Variants in TMPRSS2 observed in about 807,000 individuals in gnomAD.
TMPRSS2 encodes transmembrane protease serine 2.
In TMPRSS2, 59 loss-of-function variants were observed where a neutral mutation model predicts 67.4. The observed-to-expected ratio is 0.88, with a 90% CI of 0.71 to 1.09. TMPRSS2 has a LOEUF of 1.09. Among genes scored for constraint, TMPRSS2 ranks in the 50% least tolerant of loss-of-function variants. The probability of loss-of-function intolerance (pLI) is 0.00; values close to 1 mark genes in which losing one functional copy is unlikely to be tolerated. For synonymous variants in TMPRSS2, 257 were observed against 257.0 expected (o/e 1.00, Z 0.00); for missense variants, 668 against 642.7 (o/e 1.04, Z -0.43).
intron 6 of TMPRSS2, among the ~76,000 whole-genome samples, chr21:41,480,105 T>C (rs1038443265): frequency 1.3e-5 from 2 of 152,186 alleles, no homozygotes; most frequent in African/African-American, 4.8e-5. Context: ...CCTCGCCAGC[T>C]GTTCTGGTCC....
At chr21:41,472,075 C>G in intron 9 of TMPRSS2, 94 bp from the exon 10 acceptor site, 1 of 1,300,728 alleles carries the variant, frequency 7.7e-7, no homozygotes, top group Non-Finnish European at 1.0e-6. Context: ...GCAAGACACC[C>G]AGAGGCAGGA....
rs527658940 is a variant in TMPRSS2 at position 41,507,559 on chromosome 21, C to G, written c.-57+522G>C. 2.6e-4 allele frequency among the ~76,000 whole-genome samples: 40 copies of G among 152,336 alleles called. 1 individual carries two copies. Among genetic ancestry groups the G allele is most frequent in the Admixed American group, 2.2e-3 (34 of 15,308 alleles). On this transcript the variant is annotated intron_variant, in intron 1 of 13. Coordinates refer to ENST00000332149, the MANE Select transcript of TMPRSS2 (RefSeq NM_005656.4). ...TCGTTCCCGGCATCTCAGCGAGTTT[C>G]CAGTTTCTCCCTACCTCAGTAGGGA...
chr21:41,478,306 T>C lies in TMPRSS2; in HGVS notation c.683+866A>G, dbSNP rs2146448024. Reference sequence around the variant, plus strand: ...CCCAGGCTCCCACTCAGAGGAAAGGTGGCGCGGGGTGATTAGTTCATCCTC... The same window carrying C: ...CCCAGGCTCCCACTCAGAGGAAAGGCGGCGCGGGGTGATTAGTTCATCCTC... On this transcript the variant is annotated intron_variant, in intron 7 of 13. Coordinates refer to ENST00000332149, the MANE Select transcript of TMPRSS2 (RefSeq NM_005656.4). This position sits in a 1 kb window ranked among gnomAD's most constrained non-coding sequence, Gnocchi z 4.0. Among the ~76,000 whole-genome samples, 1 of 151,992 alleles carries C rather than the reference T, an allele frequency of 6.6e-6. No individual in the cohort carries two copies. The highest frequency in any genetic ancestry group is 2.1e-4 in the South Asian group (1 of 4,786).
chr21:41,484,617 T>C (rs2838039), intron 5 of TMPRSS2, among the ~76,000 whole-genome samples: 47,168 of 152,084 alleles, frequency 0.31, 8,115 homozygotes, highest in African/African-American at 0.42. Flanking sequence ...TTTCCTTTTA[T>C]ATGAATAATC....
chr21:41,488,883 C>T (rs2091316278), intron 4 of TMPRSS2, among the ~76,000 whole-genome samples: 1 of 152,198 alleles, frequency 6.6e-6, no homozygotes, highest in Admixed American at 6.5e-5. Flanking sequence ...TCAGGTGGTC[C>T]ACCTGCCTTG....
chr21:41,476,800 A>C (rs2091217371), intron 7 of TMPRSS2, among the ~76,000 whole-genome samples, 180 bp from the exon 8 acceptor site: 1 of 152,220 alleles, frequency 6.6e-6, no homozygotes, highest in African/African-American at 2.4e-5. Flanking sequence ...GGCAAAGACC[A>C]GACACTGAGC....
At chr21:41,499,423 T>C (rs1486290189) in intron 1 of TMPRSS2, among the ~76,000 whole-genome samples, 1 of 152,180 alleles carries the variant, frequency 6.6e-6, no homozygotes, top group Non-Finnish European at 1.5e-5. Context: ...AATCCAGTTT[T>C]AGCAAAAAAC....
At chr21:41,494,752 A>G (rs1177937293) in intron 2 of TMPRSS2, 174 bp from the exon 3 acceptor site, 1 of 750,326 alleles carries the variant, frequency 1.3e-6, no homozygotes, top group South Asian at 1.6e-5. Context: ...GTTAGAGATT[A>G]ATAAGAAAGT....
At chr21:41,494,718 C>T (rs1463465486) in intron 2 of TMPRSS2, 140 bp from the exon 3 acceptor site, 1 of 837,268 alleles carries the variant, frequency 1.2e-6, no homozygotes, top group East Asian at 2.6e-5. Context: ...GTGAAATATG[C>T]ATCCTGTCTA....
At chr21:41,502,720 T>C (rs1174257350) in intron 1 of TMPRSS2, among the ~76,000 whole-genome samples, 1 of 152,194 alleles carries the variant, frequency 6.6e-6, no homozygotes, top group African/African-American at 2.4e-5. Flanking sequence ...GTAAATTGCA[T>C]ACACAATGAT....
Position 41,490,950 on chromosome 21 carries a change from G to A in TMPRSS2, c.239-1357C>T, listed in dbSNP as rs948123178. Among the ~76,000 whole-genome samples the A allele has an allele frequency of 8.5e-5, 13 of 152,262 alleles. No homozygotes were observed. The East Asian group carries it at 1.2e-3, about 14-fold the overall frequency. ...CCCACCTGGCCACACCTGTGCCTCC[G>A]GAGGTCTGCCAGGGCGATAAGCTCA... On this transcript the variant is annotated intron_variant, in intron 3 of 13. Coordinates refer to ENST00000332149, the MANE Select transcript of TMPRSS2 (RefSeq NM_005656.4).
At chr21:41,492,883 AG>A (rs769592637) in intron 3 of TMPRSS2, among the ~76,000 whole-genome samples, 12 of 152,284 alleles carry the variant, frequency 7.9e-5, no homozygotes, top group Admixed American at 4.6e-4. Flanking sequence ...GCCATTTCTT[AG>A]GGGGGTAGCT....
intron 3 of TMPRSS2, 24 bp from the exon 4 acceptor site, chr21:41,489,617 C>T (rs1409433327): frequency 4.5e-6 from 7 of 1,560,234 alleles, no homozygotes; most frequent in East Asian, 2.2e-5. Context: ...GAGAGTGCAA[C>T]GTTCAGACCA....
intron 3 of TMPRSS2, 67 bp downstream of exon 3, chr21:41,494,289 G>A: frequency 6.5e-7 from 1 of 1,531,768 alleles, no homozygotes; most frequent in Non-Finnish European, 8.9e-7. Flanking sequence ...GGAGCAGAGA[G>A]CCCACTGGGG....
In TMPRSS2 at chr21:41,498,181, C is replaced by A. The variant is rs920544857; in HGVS notation, c.-48G>T. ...AGTAATGATAGGTATCTGGAATGTT[C>A]AATATGACCTAGAAGAAAGAATTAC... On this transcript the variant is annotated 5_prime_UTR_variant, in exon 2 of 14. Coordinates refer to ENST00000332149, the MANE Select transcript of TMPRSS2 (RefSeq NM_005656.4). The A allele has an allele frequency of 2.5e-6, 4 of 1,609,598 alleles. No homozygotes were observed. The highest frequency in any genetic ancestry group is 3.4e-6 in the Non-Finnish European group (4 of 1,176,610).
chr21:41,468,349 A>G, intron 12 of TMPRSS2, 47 bp downstream of exon 12: 2 of 1,608,028 alleles, frequency 1.2e-6, no homozygotes, highest in South Asian at 2.2e-5. Flanking sequence ...TGGGGGGTTC[A>G]GTAGGATCTG....
chr21:41,495,547 C>T (rs1601587606), intron 2 of TMPRSS2, among the ~76,000 whole-genome samples: 1 of 151,436 alleles, frequency 6.6e-6, no homozygotes. Context: ...ATTGCTTGAA[C>T]CCGGGAGGCG....
intron 1 of TMPRSS2, among the ~76,000 whole-genome samples, chr21:41,503,961 C>T (rs1031343995): frequency 6.6e-6 from 1 of 152,198 alleles, no homozygotes; most frequent in Non-Finnish European, 1.5e-5. Context: ...TGGGGTCAGG[C>T]TGAGTGCCCC....
chr21:41,480,461 C>T lies in TMPRSS2; in HGVS notation c.572+15G>A, dbSNP rs1342696004. 1.9e-6 allele frequency: 3 copies of T among 1,612,270 alleles called. No individual in the cohort carries two copies. Among genetic ancestry groups the T allele is most frequent in the Non-Finnish European group, 2.5e-6 (3 of 1,179,432 alleles). On this transcript the variant is annotated intron_variant, in intron 6 of 13. Transcript: ENST00000332149. ...GTCTGTTACTGTCACTCGGCGGGTG[C>T]TGCCCCATACTCACTTATAGCCCAT...
Sources: gnomAD v4.1 joint callset for allele counts (sites outside exome capture counted in the v4.1 genomes callset) on GRCh38, gnomAD v4.1.1 for gene constraint, Gnocchi (gnomAD v3.1) non-coding constraint, MANE v1.5 for transcripts, NCBI Gene and HGNC (gene_info 2026-07-23, HGNC 2026-07-21) for gene names.